Variants in CPT1A observed in about 807,000 individuals in gnomAD.
The protein encoded by CPT1A is carnitine O-palmitoyltransferase 1, liver isoform.
CPT1A carries 64 observed loss-of-function variants against 100.8 expected under a neutral mutation model. The observed-to-expected ratio is 0.63, with a 90% CI of 0.52 to 0.78. The LOEUF is 0.78. Among genes scored for constraint, CPT1A ranks in the 30% least tolerant of loss-of-function variants. The pLI, the probability that CPT1A is intolerant of heterozygous loss-of-function variation, is 0.00. For missense variants in CPT1A, 802 were observed against 1,034.1 expected (o/e 0.78, Z 3.08); for synonymous variants, 363 against 396.0 (o/e 0.92, Z 0.99).
At chr11:68,820,122 C>A (rs1055612183) in intron 1 of CPT1A, among the ~76,000 whole-genome samples, 4 of 151,974 alleles carry the variant, frequency 2.6e-5, no homozygotes, top group Admixed American at 2.6e-4. Flanking sequence ...CTCTACTCCC[C>A]AAGCTCAGGT....
intron 1 of CPT1A, among the ~76,000 whole-genome samples, chr11:68,826,474 C>G (rs965759355): frequency 1.3e-5 from 2 of 150,344 alleles, no homozygotes; most frequent in African/African-American, 2.4e-5. Context: ...GTGGCTCACG[C>G]CTGTAATCCC....
At chr11:68,790,511 A>C (rs1855584344) in intron 9 of CPT1A, among the ~76,000 whole-genome samples, 1 of 152,208 alleles carries the variant, frequency 6.6e-6, no homozygotes, top group African/African-American at 2.4e-5. Flanking sequence ...ACATGGAGGC[A>C]GAGATCAGAG....
intron 5 of CPT1A, among the ~76,000 whole-genome samples, 181 bp downstream of exon 5, chr11:68,803,819 T>A: frequency 6.7e-6 from 1 of 148,598 alleles, no homozygotes; most frequent in African/African-American, 2.5e-5. Flanking sequence ...AAAAAACACC[T>A]AAGATGCAGC....
chr11:68,759,802 C>T (rs1488102830), intron 17 of CPT1A, 141 bp from the exon 18 acceptor site: 21 of 713,878 alleles, frequency 2.9e-5, no homozygotes, highest in East Asian at 5.5e-5. Context: ...CTGAGGCAGG[C>T]GGGTCACTTG....
intron 7 of CPT1A, among the ~76,000 whole-genome samples, 175 bp downstream of exon 7, chr11:68,796,681 T>C (rs1855762295): frequency 6.6e-6 from 1 of 152,180 alleles, no homozygotes; most frequent in Admixed American, 6.5e-5. Flanking sequence ...GCTACTAGGC[T>C]AACACTGAAG....
At chr11:68,842,763 G>C (rs1857186123), upstream of CPT1A, among the ~76,000 whole-genome samples, 1 of 152,006 alleles carries the variant, frequency 6.6e-6, no homozygotes, top group South Asian at 2.1e-4. Context: ...CCGGTCCCAG[G>C]AGTCTAGGGC....
chr11:68,824,483 T>TA (rs1566384646), intron 1 of CPT1A, among the ~76,000 whole-genome samples: 1 of 152,032 alleles, frequency 6.6e-6, no homozygotes, highest in Non-Finnish European at 1.5e-5. Flanking sequence ...AAATTAAATT[T>TA]AAAAAAAGAC....
At chr11:68,778,731 G>A (rs1332353316) in intron 12 of CPT1A, among the ~76,000 whole-genome samples, 1 of 151,870 alleles carries the variant, frequency 6.6e-6, no homozygotes, top group Non-Finnish European at 1.5e-5. Context: ...ATTCACAGAA[G>A]TTTAAAGAAA....
chr11:68,826,733 CA>C (rs5792453), intron 1 of CPT1A, among the ~76,000 whole-genome samples: 49 of 142,396 alleles, frequency 3.4e-4, no homozygotes, highest in African/African-American at 4.7e-4. Flanking sequence ...GACTCCCTGT[CA>C]AAAAAAAAAA....
rs561536139 is a variant in CPT1A, at chr11:68,761,376, C to T, written c.2028+159G>A. Among the ~76,000 whole-genome samples the T allele has an allele frequency of 4.6e-5, 7 of 151,640 alleles. No homozygotes were observed. In the South Asian group the frequency reaches 6.3e-4, roughly 14 times the overall value. On this transcript the variant is annotated intron_variant, in intron 16 of 18. Coordinates refer to ENST00000265641, the MANE Select transcript of CPT1A (RefSeq NM_001876.4). Reference sequence around the variant, plus strand: ...GTTTTTGAAGAAATGCAGTACTAAACGCGCTGCTCACATTTTCCATTTTAT... The same window carrying T: ...GTTTTTGAAGAAATGCAGTACTAAATGCGCTGCTCACATTTTCCATTTTAT...
At chr11:68,798,275 T>A (rs1270202320) in intron 6 of CPT1A, among the ~76,000 whole-genome samples, 2 of 152,196 alleles carry the variant, frequency 1.3e-5, no homozygotes, top group Admixed American at 6.5e-5. Flanking sequence ...TGCAAGGGCC[T>A]CGTGTGCGGA....
intron 14 of CPT1A, among the ~76,000 whole-genome samples, chr11:68,765,667 A>G (rs3019595): frequency 6.6e-6 from 1 of 152,232 alleles, no homozygotes; most frequent in African/African-American, 2.4e-5. Flanking sequence ...TCAGCATTCA[A>G]TCCATATTCA....
At chr11:68,808,000 A>G (rs1856096627) in intron 3 of CPT1A, among the ~76,000 whole-genome samples, 1 of 152,212 alleles carries the variant, frequency 6.6e-6, no homozygotes, top group African/African-American at 2.4e-5. Context: ...GGACCTCAGG[A>G]CCAACGGCAG....
upstream of CPT1A, among the ~76,000 whole-genome samples, chr11:68,842,879 A>G (rs919992319): frequency 1.3e-5 from 2 of 152,158 alleles, no homozygotes; most frequent in African/African-American, 4.8e-5. Flanking sequence ...CCCCTCCCCT[A>G]TCTTTGCCCG....
At chr11:68,757,772 G>A (rs1233530418) in intron 18 of CPT1A, 42 bp from the exon 19 acceptor site, 2 of 1,535,532 alleles carry the variant, frequency 1.3e-6, no homozygotes, top group Admixed American at 1.7e-5. Context: ...TTAAAACGTG[G>A]CCATCCCCAC....
intron 1 of CPT1A, among the ~76,000 whole-genome samples, chr11:68,833,366 T>C (rs1405898440): frequency 6.6e-6 from 1 of 152,270 alleles, no homozygotes; most frequent in East Asian, 1.9e-4. Flanking sequence ...CTCTCTGCAC[T>C]GTATGAGCCA....
intron 6 of CPT1A, among the ~76,000 whole-genome samples, chr11:68,797,622 A>G (rs1203030803): frequency 6.6e-6 from 1 of 152,156 alleles, no homozygotes; most frequent in Non-Finnish European, 1.5e-5. Flanking sequence ...ACAGTGAGCT[A>G]TGATCGTGCC....
At chr11:68,782,004 C>G in intron 10 of CPT1A, 45 bp from the exon 11 acceptor site, 5 of 1,537,270 alleles carry the variant, frequency 3.3e-6, no homozygotes, top group Non-Finnish European at 4.5e-6. Context: ...CGACCTGCAG[C>G]GATGGAGCGT....
chr11:68,777,845 A>G (rs562350237), intron 12 of CPT1A, among the ~76,000 whole-genome samples: 2 of 152,290 alleles, frequency 1.3e-5, no homozygotes, highest in East Asian at 1.9e-4. Flanking sequence ...CCTGGGGTAT[A>G]ACAAGCCCGG....
Sources: gnomAD v4.1 joint callset for allele counts (sites outside exome capture counted in the v4.1 genomes callset) on GRCh38, gnomAD v4.1.1 for gene constraint, MANE v1.5 for transcripts, NCBI Gene and HGNC (gene_info 2026-07-23, HGNC 2026-07-21) for gene names.